Variants in SMARCA4 observed in about 807,000 individuals in gnomAD.
SMARCA4 encodes the protein SWI/SNF-related matrix-associated actin-dependent regulator of chromatin subfamily A member 4.
In SMARCA4, 31 loss-of-function variants were observed where a neutral mutation model predicts 193.9. That is an observed-to-expected ratio of 0.16 (90% confidence interval 0.12 to 0.22). The LOEUF is 0.22. SMARCA4 is among the 10% of genes least tolerant of loss of function. SMARCA4 has a pLI of 1.00. For missense variants in SMARCA4, 1,148 were observed against 2,296.0 expected (o/e 0.50, Z 10.22); for synonymous variants, 942 against 933.1 (o/e 1.01, Z -0.17).
At chr19:10,971,051 C>A (rs1342955014) in intron 1 of SMARCA4, among the ~76,000 whole-genome samples, 1 of 152,142 alleles carries the variant, frequency 6.6e-6, no homozygotes, top group Non-Finnish European at 1.5e-5. Context: ...ACAAAATTAG[C>A]TGGGCGTGGT....
chr19:10,983,329 T>C (rs1416967550), intron 1 of SMARCA4, among the ~76,000 whole-genome samples: 1 of 152,210 alleles, frequency 6.6e-6, no homozygotes, highest in Non-Finnish European at 1.5e-5. Flanking sequence ...TTAAGTTCAT[T>C]TATTTTAAGG....
intron 16 of SMARCA4, among the ~76,000 whole-genome samples, chr19:11,017,772 C>T (rs983744818): frequency 2.6e-5 from 4 of 152,244 alleles, no homozygotes; most frequent in African/African-American, 7.2e-5. Flanking sequence ...GGGCCAGGTC[C>T]GGTGGCTCCA....
intron 29 of SMARCA4, chr19:11,040,570 G>C (rs1462312462): frequency 7.2e-6 from 1 of 139,752 alleles, no homozygotes; most frequent in Non-Finnish European, 1.5e-5. Flanking sequence ...CCAGCCTGGT[G>C]ACAGAGTGAG....
At chr19:10,996,057 C>G (rs2145962624) in intron 9 of SMARCA4, 156 bp from the exon 10 acceptor site, 2 of 799,344 alleles carry the variant, frequency 2.5e-6, no homozygotes, top group Non-Finnish European at 4.5e-6. Context: ...GGAAATGATT[C>G]CTGAATGAGG....
chr19:11,059,621 G>C, intron 32 of SMARCA4, 132 bp from the exon 33 acceptor site: 1 of 1,025,020 alleles, frequency 9.8e-7, no homozygotes, highest in Non-Finnish European at 1.5e-6. Context: ...GCCCCGACCC[G>C]CTGAGGCTCG....
chr19:10,971,015 A>G (rs1452153523), intron 1 of SMARCA4, among the ~76,000 whole-genome samples: 2 of 152,240 alleles, frequency 1.3e-5, no homozygotes, highest in South Asian at 2.1e-4. Context: ...CCTGACCAAC[A>G]TGGAGAAACC....
rs1568560821 is a variant in SMARCA4 at position 11,058,308 on chromosome 19, A to C, written c.4478A>C (p.Glu1493Ala). ...EVFIQLPSRK[E>A]LPEYYELIRK... ...TTCATCCAGCTGCCCTCGCGAAAGG[A>C]GCTGCCCGAGTACTACGAGCTCATC... is the stretch of plus-strand genomic sequence containing the variant. Residue 1493 changes from glutamate (E) to alanine (A), a missense_variant, in exon 31 of 35, where the codon GAG becomes GCG. By Grantham distance (107) the Glu-to-Ala change is moderately radical. Around this residue, in one of 17 missense-constraint regions of SMARCA4, gnomAD observed 141 missense variants for 193.0 expected, o/e 0.73. Coordinates refer to ENST00000344626, the MANE Select transcript of SMARCA4 (RefSeq NM_003072.5). The surrounding 1 kb of genome is among the most constrained non-coding windows in gnomAD (Gnocchi z 5.8). 2 of 1,613,608 alleles carry C rather than the reference A, an allele frequency of 1.2e-6. No individual in the cohort carries two copies. The highest frequency in any genetic ancestry group is 1.7e-6 in the Non-Finnish European group (2 of 1,179,952).
intron 34 of SMARCA4, among the ~76,000 whole-genome samples, chr19:11,061,203 AAATATATATAT>A (rs1379497317): frequency 1.3e-4 from 6 of 47,448 alleles, no homozygotes; most frequent in African/African-American, 6.1e-4. Context: ...AAAAAAAAAA[AAATATATATAT>A]ATATATATAT....
chr19:11,018,793 C>CTCTT, intron 16 of SMARCA4, 164 bp from the exon 17 acceptor site: 4 of 750,472 alleles, frequency 5.3e-6, no homozygotes, highest in South Asian at 1.4e-5. Context: ...TCGCCAGTCT[C>CTCTT]TCTTCCTCCC....
intron 13 of SMARCA4, among the ~76,000 whole-genome samples, chr19:11,006,725 G>T (rs1029205905): frequency 6.6e-6 from 1 of 152,142 alleles, no homozygotes; most frequent in African/African-American, 2.4e-5. Flanking sequence ...TATAACAGGG[G>T]TAGGAGAGAT....
Position 11,058,191 on chromosome 19 carries a change from AGGTGG to A in SMARCA4, c.4425-56_4425-52del. On this transcript the variant is annotated intron_variant, in intron 30 of 34. Coordinates refer to ENST00000344626, the MANE Select transcript of SMARCA4 (RefSeq NM_003072.5). This position sits in a 1 kb window ranked among gnomAD's most constrained non-coding sequence, Gnocchi z 5.8. Reference sequence around the variant, plus strand: ...CCTTAAACAATGTGGGAACCTGCTGAGGTGGGGTGGGGGCTCCCGGGTGGGCGGAC... The same window carrying A: ...CCTTAAACAATGTGGGAACCTGCTGAGGTGGGGGCTCCCGGGTGGGCGGAC... 2.2e-6 allele frequency: 2 copies of A among 891,842 alleles called. No individual in the cohort carries two copies. The highest frequency in any genetic ancestry group is 3.7e-5 in the Admixed American group (2 of 54,254). The allele number at this position is 891,842 out of a possible 1,614,324, so 55.2% of individuals were successfully genotyped here. A position where few individuals can be genotyped will look rare whatever the true frequency, so the allele number is the denominator to read the frequency against.
intron 15 of SMARCA4, 116 bp from the exon 16 acceptor site, chr19:11,012,832 TG>T (rs1490873018): frequency 2.3e-6 from 2 of 869,552 alleles, no homozygotes; most frequent in East Asian, 5.0e-5. Flanking sequence ...CAGTAGAGGG[TG>T]GGATGTGGCT....
chr19:11,059,942 G>C (rs2076763679), intron 33 of SMARCA4, 57 bp downstream of exon 33: 20 of 1,613,434 alleles, frequency 1.2e-5, no homozygotes, highest in Middle Eastern at 1.7e-4. Flanking sequence ...GAGCCCCCAA[G>C]GCCCCAGCTT....
intron 14 of SMARCA4, 81 bp from the exon 15 acceptor site, chr19:11,010,300 C>A (rs774481955): frequency 6.6e-7 from 1 of 1,505,104 alleles, no homozygotes; most frequent in South Asian, 1.1e-5. Flanking sequence ...AGGGCCACTC[C>A]GCAGAGCTTG....
chr19:11,046,239 C>A (rs973965784), intron 30 of SMARCA4, among the ~76,000 whole-genome samples: 133 of 149,476 alleles, frequency 8.9e-4, no homozygotes, highest in African/African-American at 2.6e-3. Context: ...AAAAAAAAAA[C>A]CCCAAATCTT....
chr19:11,011,024 G>A (rs1264642848), intron 15 of SMARCA4: 2 of 243,364 alleles, frequency 8.2e-6, no homozygotes, highest in Non-Finnish European at 1.7e-5. Flanking sequence ...TGGGGATGAG[G>A]TAGCAGGTCC....
At chr19:11,038,541 A>G (rs550173071) in intron 29 of SMARCA4, among the ~76,000 whole-genome samples, 1 of 151,966 alleles carries the variant, frequency 6.6e-6, no homozygotes, top group Non-Finnish European at 1.5e-5. Flanking sequence ...TCTCTAAGAC[A>G]TGTCTGCTCC....
intron 6 of SMARCA4, among the ~76,000 whole-genome samples, chr19:10,988,151 A>C (rs2086233891): frequency 1.4e-5 from 2 of 144,476 alleles, no homozygotes; most frequent in Non-Finnish European, 1.5e-5. Context: ...ACGGAGTTTC[A>C]CTCTTGTTGC....
In SMARCA4 at chr19:10,996,476, GTC is replaced by G. The variant is rs748956133; in HGVS notation, c.1762-10_1762-9del. The G allele has an allele frequency of 4.3e-6, 7 of 1,614,004 alleles. No homozygotes were observed. In the African/African-American group the frequency reaches 8.0e-5, roughly 18 times the overall value. ...GCCTTGTGGGTCAGGGCCTGACCGT[GTC>G]TCTCTCTATTTCCAGAAGGCAGAAA... On this transcript the variant is annotated splice_polypyrimidine_tract_variant and intron_variant, in intron 10 of 34. Transcript: ENST00000344626.
Sources: gnomAD v4.1 joint callset for allele counts (sites outside exome capture counted in the v4.1 genomes callset) on GRCh38, gnomAD v4.1.1 for gene constraint, gnomAD v4.1.1 regional missense constraint, Gnocchi (gnomAD v3.1) non-coding constraint, MANE v1.5 for transcripts, NCBI Gene and HGNC (gene_info 2026-07-23, HGNC 2026-07-21) for gene names.